The following FAM53B variants were observed in gnomAD, a reference collection of about 807,000 sequenced individuals.
FAM53B encodes protein FAM53B.
A neutral mutation model predicts 32.7 loss-of-function variants in FAM53B; 12 were observed. The observed-to-expected ratio is 0.37, with a 90% confidence interval of 0.24 to 0.59. FAM53B has a LOEUF of 0.59. Ranked by LOEUF, FAM53B falls within the 20% of genes least tolerant of loss-of-function variation. FAM53B has a pLI of 0.72. For missense variants in FAM53B, 477 were observed against 577.7 expected (o/e 0.83, Z 1.79); for synonymous variants, 234 against 228.7 (o/e 1.02, Z -0.21).
rs534723380 is a variant in FAM53B, at chr10:124,710,418, C to T, written c.-174-3531G>A. On this transcript the variant is annotated intron_variant, in intron 1 of 4. Transcript: ENST00000337318. The stretch of plus-strand genomic sequence containing the variant: ...GGGCACGTTCTCAGAATTTGTGAGG[C>T]GAATCCAGACCAGCAGAGCCCAGCA... 1.6e-4 allele frequency among the ~76,000 whole-genome samples: 25 copies of T among 152,334 alleles called. No individual in the cohort carries two copies. In the South Asian group the frequency reaches 4.3e-3, roughly 26 times the overall value.
chr10:124,632,704 A>G (rs1949399472), intron 4 of FAM53B, among the ~76,000 whole-genome samples: 1 of 152,244 alleles, frequency 6.6e-6, no homozygotes, highest in Non-Finnish European at 1.5e-5. Context: ...CTCTTGGAGA[A>G]GTGAGCAAAT....
At chr10:124,736,607 G>A (rs1405578759) in intron 1 of FAM53B, among the ~76,000 whole-genome samples, 1 of 152,280 alleles carries the variant, frequency 6.6e-6, no homozygotes, top group African/African-American at 2.4e-5. Context: ...AGGCAGGGCC[G>A]AGGCCTCTCC....
intron 1 of FAM53B, among the ~76,000 whole-genome samples, chr10:124,727,667 A>T (rs1309258194): frequency 6.6e-6 from 1 of 152,036 alleles, no homozygotes; most frequent in Non-Finnish European, 1.5e-5. Context: ...CCAATGTCTT[A>T]TCCACTCCAG....
At chr10:124,666,028 T>TGTATACAAC (rs1231368770) in intron 4 of FAM53B, among the ~76,000 whole-genome samples, 1 of 152,184 alleles carries the variant, frequency 6.6e-6, no homozygotes, top group Non-Finnish European at 1.5e-5. Context: ...GCACAGGCAG[T>TGTATACAAC]TGTATACAGC....
In FAM53B at chr10:124,689,751, G is replaced by A. The variant is rs1262211318; in HGVS notation, c.133+6407C>T. 3.3e-5 allele frequency among the ~76,000 whole-genome samples: 5 copies of A among 152,220 alleles called. No homozygotes were observed. The South Asian group carries it at 1.0e-3, about 32-fold the overall frequency. On this transcript the variant is annotated intron_variant, in intron 3 of 4. Coordinates refer to ENST00000337318, the MANE Select transcript of FAM53B (RefSeq NM_014661.4). ...GCCCATGGCAGCTGCCACTGCTTCT[G>A]GGAAGTCTTTGCTCTTACAAAAAGA...
chr10:124,726,766 C>A (rs1950106426), intron 1 of FAM53B, among the ~76,000 whole-genome samples: 1 of 152,206 alleles, frequency 6.6e-6, no homozygotes, highest in Admixed American at 6.5e-5. Context: ...CACCTCAATT[C>A]TTTGAAAAAT....
rs748676848 is a variant in FAM53B, at chr10:124,623,294, C to T, written c.1217G>A (p.Ser406Asn). ...CAACTCGCCGTCCAGGGAGCAGAGG[C>T]TGTTCCCAGGGGCCCCGCGGTCCCG... ...AWRDRGAPGN[S>N]LCSLDGELDI... Residue 406 changes from serine to asparagine, a missense_variant, in exon 5 of 5, where the codon AGC (serine) becomes AAC (asparagine). Physicochemically the swap from Ser to Asn is conservative, Grantham distance 46 (BLOSUM62 1). This residue lies in a region of FAM53B where 165 missense variants were observed against 157.5 expected (regional missense o/e 1.05). Coordinates refer to ENST00000337318, the MANE Select transcript of FAM53B (RefSeq NM_014661.4). 2.7e-5 allele frequency: 44 copies of T among 1,612,144 alleles called. No individual in the cohort carries two copies. The highest frequency in any genetic ancestry group is 3.7e-5 in the Non-Finnish European group (44 of 1,179,592).
intron 1 of FAM53B, among the ~76,000 whole-genome samples, chr10:124,738,419 A>G (rs985412262): frequency 5.3e-5 from 8 of 151,112 alleles, no homozygotes; most frequent in Non-Finnish European, 8.8e-5. Context: ...ATTCAGAACC[A>G]TTACTTTACT....
chr10:124,726,014 G>C (rs1210467704), intron 1 of FAM53B, among the ~76,000 whole-genome samples: 1 of 152,184 alleles, frequency 6.6e-6, no homozygotes, highest in East Asian at 1.9e-4. Context: ...GATCAGTAGA[G>C]AATTGCCTGA....
At chr10:124,679,439 C>T (rs990192699) in intron 4 of FAM53B, among the ~76,000 whole-genome samples, 4 of 152,208 alleles carry the variant, frequency 2.6e-5, no homozygotes, top group African/African-American at 9.7e-5. Context: ...ACAGGGATAC[C>T]CTAGGCCTCG....
rs768278273 is a variant in FAM53B, at chr10:124,706,732, T to G, written c.-19A>C. ...TCACCATGATAAGGGCCTCAGGCGC[T>G]GGGCTCCATCCCAGGGTGGGTATCA... On this transcript the variant is annotated 5_prime_UTR_variant, in exon 2 of 5. Transcript: ENST00000337318. 6.2e-7 allele frequency: 1 copy of G among 1,614,004 alleles called. No homozygotes were observed. The highest frequency in any genetic ancestry group is 8.5e-7 in the Non-Finnish European group (1 of 1,179,966).
intron 3 of FAM53B, among the ~76,000 whole-genome samples, chr10:124,692,176 C>A (rs1340562007): frequency 6.6e-6 from 1 of 152,206 alleles, no homozygotes; most frequent in Non-Finnish European, 1.5e-5. Context: ...TGAGCTGGCA[C>A]CCTAATAAGG....
chr10:124,670,659 T>C (rs1949702629), intron 4 of FAM53B, among the ~76,000 whole-genome samples: 2 of 152,122 alleles, frequency 1.3e-5, no homozygotes, highest in Non-Finnish European at 2.9e-5. Context: ...CTCAGGACAT[T>C]CTCCCTGATT....
At chr10:124,652,350 C>A (rs1949561395) in intron 4 of FAM53B, among the ~76,000 whole-genome samples, 1 of 152,180 alleles carries the variant, frequency 6.6e-6, no homozygotes, top group South Asian at 2.1e-4. Flanking sequence ...GCCCAATTCA[C>A]AGATCAGGAA....
At chr10:124,699,421 T>C (rs1258004015) in intron 2 of FAM53B, among the ~76,000 whole-genome samples, 2 of 152,240 alleles carry the variant, frequency 1.3e-5, no homozygotes, top group Non-Finnish European at 2.9e-5. Flanking sequence ...GAGGCCAGCC[T>C]GAGTGTCAGA....
At chr10:124,731,305 A>G (rs1950141128) in intron 1 of FAM53B, among the ~76,000 whole-genome samples, 2 of 152,226 alleles carry the variant, frequency 1.3e-5, no homozygotes, top group South Asian at 4.1e-4. Flanking sequence ...TGCTCTGTTA[A>G]GTAGGCACTA....
In FAM53B at chr10:124,638,913, G is replaced by A. The variant is rs553386678; in HGVS notation, c.907-15309C>T. On this transcript the variant is annotated intron_variant, in intron 4 of 4. Coordinates refer to ENST00000337318, the MANE Select transcript of FAM53B (RefSeq NM_014661.4). Reference sequence around the variant, plus strand: ...CCCACCTGCAGCGCCAGAAGTGAGTGGTGGGGACAAAGTATATGTAGGGCC... The same window carrying A: ...CCCACCTGCAGCGCCAGAAGTGAGTAGTGGGGACAAAGTATATGTAGGGCC... Among the ~76,000 whole-genome samples the A allele has an allele frequency of 7.4e-4, 112 of 152,318 alleles. 2 individuals carry two copies. The South Asian group carries it at 0.023, about 31-fold the overall frequency.
intron 4 of FAM53B, among the ~76,000 whole-genome samples, chr10:124,638,209 AAC>A (rs1949446588): frequency 6.6e-6 from 1 of 152,098 alleles, no homozygotes; most frequent in Non-Finnish European, 1.5e-5. Flanking sequence ...CTCTACAAAA[AAC>A]ACAAAAAAAT....
rs920632600 is a variant in FAM53B at position 124,677,041 on chromosome 10, G to C, written c.906+4566C>G. Among the ~76,000 whole-genome samples the C allele has an allele frequency of 2.6e-5, 4 of 152,280 alleles. No homozygotes were observed. The East Asian group carries it at 7.7e-4, about 29-fold the overall frequency. ...GAAGCACTGTTGAGAAGTACAATTT[G>C]TTGCTCTTTCAAGCTGACCAGCTTG... On this transcript the variant is annotated intron_variant, in intron 4 of 4. Transcript: ENST00000337318.
Sources: gnomAD v4.1 joint callset for allele counts (sites outside exome capture counted in the v4.1 genomes callset) on GRCh38, gnomAD v4.1.1 for gene constraint, gnomAD v4.1.1 regional missense constraint, MANE v1.5 for transcripts, NCBI Gene and HGNC (gene_info 2026-07-23, HGNC 2026-07-21) for gene names.